Variants in STAG1 observed in about 807,000 individuals in gnomAD.
The protein encoded by STAG1 is STAG1 cohesin complex component, also known as cohesin subunit SA-1.
A neutral mutation model predicts 170.9 loss-of-function variants in STAG1; 26 were observed. The ratio of observed to expected loss-of-function variants is 0.15; its 90% CI spans 0.11 to 0.21. The LOEUF (loss-of-function observed/expected upper bound fraction) is 0.21, where lower values mean the gene tolerates loss of function less well. STAG1 is among the 10% of genes least tolerant of loss of function. STAG1 has a pLI of 1.00. For missense variants in STAG1, 964 were observed against 1,509.5 expected, an observed-to-expected ratio of 0.64 and a Z score of 5.99; for synonymous variants, 514 against 497.7, an observed-to-expected ratio of 1.03 and a Z score of -0.44.
At chr3:136,574,743 C>T (rs1375646890) in intron 4 of STAG1, among the ~76,000 whole-genome samples, 1 of 152,134 alleles carries the variant, frequency 6.6e-6, no homozygotes, top group Admixed American at 6.5e-5. Flanking sequence ...TTTTAACACA[C>T]ATCTTTTGGT....
At chr3:136,370,506 A>T (rs902855540) in intron 23 of STAG1, among the ~76,000 whole-genome samples, 3 of 151,612 alleles carry the variant, frequency 2.0e-5, no homozygotes, top group Non-Finnish European at 4.4e-5. Context: ...GCTATCCCTC[A>T]CCACTCCCCC....
chr3:136,516,117 C>T (rs1465210965), intron 7 of STAG1, among the ~76,000 whole-genome samples: 1 of 152,114 alleles, frequency 6.6e-6, no homozygotes, highest in Non-Finnish European at 1.5e-5. Context: ...CTAAAATTTT[C>T]ACATCTTAAC....
chr3:136,634,161 A>T (rs1425327361), intron 1 of STAG1, among the ~76,000 whole-genome samples: 1 of 151,314 alleles, frequency 6.6e-6, no homozygotes, highest in African/African-American at 2.4e-5. Context: ...AAATAAATAA[A>T]CATAAAAAAA....
At position 136,443,277 on chromosome 3, in the gene STAG1, A is replaced by T. The variant is rs771477339; in HGVS notation, c.1546+10T>A. The T allele has an allele frequency of 5.1e-5, 80 of 1,576,014 alleles. No individual in the cohort carries two copies. The highest frequency in any genetic ancestry group is 6.8e-5 in the Non-Finnish European group (78 of 1,149,302). ...AAAATCATGTAAATTAACTTGTCAAAATACTATACCTTCCTCTCCTTGAAC... is the reference window on the plus strand; with the variant it reads ...AAAATCATGTAAATTAACTTGTCAATATACTATACCTTCCTCTCCTTGAAC... On this transcript the variant is annotated intron_variant, in intron 15 of 33. Transcript: ENST00000383202.
intron 21 of STAG1, among the ~76,000 whole-genome samples, chr3:136,411,395 C>G (rs1453097716): frequency 6.6e-6 from 1 of 151,108 alleles, no homozygotes; most frequent in African/African-American, 2.4e-5. Flanking sequence ...AAAACTATAC[C>G]AACAGAAAAT....
At chr3:136,615,908 A>T (rs919530134) in intron 3 of STAG1, among the ~76,000 whole-genome samples, 12 of 152,220 alleles carry the variant, frequency 7.9e-5, no homozygotes, top group Non-Finnish European at 1.6e-4. Flanking sequence ...AGTAAGCCCT[A>T]AAGATACAAA....
chr3:136,373,142 G>GT (rs1373549028), intron 23 of STAG1, among the ~76,000 whole-genome samples: 1 of 152,226 alleles, frequency 6.6e-6, no homozygotes, highest in African/African-American at 2.4e-5. Context: ...GCATAGAGGT[G>GT]TTTATAGTAT....
rs1048006058 is a variant in STAG1 at position 136,338,108 on chromosome 3, A to G, written c.*146T>C. 1.6e-5 allele frequency: 10 copies of G among 612,074 alleles called. No homozygotes were observed. In the African/African-American group the frequency reaches 1.9e-4, roughly 11 times the overall value. The allele number at this position is 612,074 out of a possible 1,614,324, so 37.9% of individuals were successfully genotyped here. A position where few individuals can be genotyped will look rare whatever the true frequency, so the allele number is the denominator to read the frequency against. ...GTAATTTACATGCTCCTCTTCTGTC[A>G]CTGCAAAAAGGGATTGACCTTAATC... On this transcript the variant is annotated 3_prime_UTR_variant, in exon 34 of 34. Transcript: ENST00000383202.
intron 5 of STAG1, among the ~76,000 whole-genome samples, chr3:136,545,306 G>T (rs1293654875): frequency 6.6e-6 from 1 of 152,128 alleles, no homozygotes; most frequent in East Asian, 1.9e-4. Context: ...CTGACCTCAT[G>T]ATCCACCCAC....
chr3:136,721,741 G>A (rs751028576), intron 1 of STAG1, among the ~76,000 whole-genome samples: 1 of 151,960 alleles, frequency 6.6e-6, no homozygotes, highest in African/African-American at 2.4e-5. Context: ...TGGCTAACAC[G>A]GTGAAACCCT....
At chr3:136,439,893 C>T (rs1047511109) in intron 15 of STAG1, among the ~76,000 whole-genome samples, 2 of 152,184 alleles carry the variant, frequency 1.3e-5, no homozygotes, top group East Asian at 3.9e-4. Flanking sequence ...TTAAACCAAC[C>T]AACCAAACCC....
chr3:136,737,022 T>C, intron 1 of STAG1: 1 of 1,537,628 alleles, frequency 6.5e-7, no homozygotes, highest in Non-Finnish European at 9.0e-7. Flanking sequence ...ACTGCCGCTT[T>C]TTTATTTCTT....
chr3:136,491,190 TC>T, intron 9 of STAG1, among the ~76,000 whole-genome samples: 2 of 152,230 alleles, frequency 1.3e-5, no homozygotes, highest in Non-Finnish European at 2.9e-5. Context: ...TGATCATAGT[TC>T]ACTGCACCCT....
intron 21 of STAG1, among the ~76,000 whole-genome samples, chr3:136,401,541 T>C (rs1001063346): frequency 6.6e-6 from 1 of 152,166 alleles, no homozygotes; most frequent in African/African-American, 2.4e-5. Flanking sequence ...GATATCAGAT[T>C]GCTTAAGTTT....
intron 23 of STAG1, among the ~76,000 whole-genome samples, chr3:136,371,787 C>CG (rs1937352910): frequency 3.9e-5 from 6 of 152,080 alleles, no homozygotes; most frequent in African/African-American, 1.4e-4. Flanking sequence ...AGTCAGGTAG[C>CG]ATGATGCCTC....
At chr3:136,472,762 G>A (rs1294047419) in intron 11 of STAG1, among the ~76,000 whole-genome samples, 1 of 152,144 alleles carries the variant, frequency 6.6e-6, no homozygotes, top group Non-Finnish European at 1.5e-5. Flanking sequence ...TTTATAACAA[G>A]CTGTAAAGAA....
intron 5 of STAG1, among the ~76,000 whole-genome samples, chr3:136,552,040 T>G (rs1384999286): frequency 6.6e-6 from 1 of 152,158 alleles, no homozygotes; most frequent in Non-Finnish European, 1.5e-5. Flanking sequence ...TTTCTTTAAG[T>G]GTAAACCCAT....
Position 136,666,849 on chromosome 3 carries a change from C to T in STAG1, c.-83-35868G>A, listed in dbSNP as rs77659794. Among the ~76,000 whole-genome samples the T allele has an allele frequency of 9.1e-3, 1,377 of 150,690 alleles. 25 individuals are homozygous for T. The highest frequency in any genetic ancestry group is 0.03 in the African/African-American group (1,225 of 41,082). On this transcript the variant is annotated intron_variant, in intron 1 of 33. Transcript: ENST00000383202. ...AAAAAAAAAAAAAACCTGTTTGATG[C>T]TAGGATTCAACTCCAAGTAGTGTGG...
At chr3:136,644,260 C>T (rs972066069) in intron 1 of STAG1, among the ~76,000 whole-genome samples, 1 of 151,904 alleles carries the variant, frequency 6.6e-6, no homozygotes, top group Non-Finnish European at 1.5e-5. Flanking sequence ...TGGAGTATTC[C>T]CCCAACAGAA....
Sources: gnomAD v4.1 joint callset for allele counts (sites outside exome capture counted in the v4.1 genomes callset) on GRCh38, gnomAD v4.1.1 for gene constraint, MANE v1.5 for transcripts, NCBI Gene and HGNC (gene_info 2026-07-23, HGNC 2026-07-21) for gene names.